TBC1D8: variants seen among roughly 807,000 people sequenced by gnomAD.
TBC1D8 encodes the protein BUB2-like protein 1.
Under a neutral mutation model 118.8 loss-of-function variants are expected in TBC1D8, and 65 were observed. The observed-to-expected ratio is 0.55, with a 90% CI of 0.45 to 0.67. The LOEUF (loss-of-function observed/expected upper bound fraction) is 0.67. TBC1D8 is among the 30% of genes least tolerant of loss of function. The pLI, the probability that TBC1D8 is intolerant of heterozygous loss-of-function variation, is 0.00. For missense variants in TBC1D8, 1,376 were observed against 1,471.2 expected, an observed-to-expected ratio of 0.94 and a Z score of 1.06; for synonymous variants, 566 against 595.8, an observed-to-expected ratio of 0.95 and a Z score of 0.73.
chr2:101,057,457 C>T (rs1466458019), intron 3 of TBC1D8, among the ~76,000 whole-genome samples: 1 of 152,244 alleles, frequency 6.6e-6, no homozygotes, highest in East Asian at 1.9e-4. Flanking sequence ...GCTATGTAAG[C>T]CCAAGTGCTA....
intron 1 of TBC1D8, among the ~76,000 whole-genome samples, chr2:101,101,636 T>G (rs557641620): frequency 5.9e-5 from 9 of 152,036 alleles, no homozygotes; most frequent in African/African-American, 9.7e-5. Context: ...AGCAAAGACA[T>G]GGAAACAACC....
At chr2:101,045,010 G>A (rs752342099) in intron 5 of TBC1D8, among the ~76,000 whole-genome samples, 4 of 152,156 alleles carry the variant, frequency 2.6e-5, no homozygotes, top group Non-Finnish European at 5.9e-5. Context: ...GCCTCCCAAA[G>A]TGCTGGGATT....
chr2:101,047,981 G>A (rs745477680), intron 5 of TBC1D8, among the ~76,000 whole-genome samples: 5 of 152,184 alleles, frequency 3.3e-5, no homozygotes, highest in South Asian at 4.1e-4. Flanking sequence ...GAGCTGTGCC[G>A]GGATATCAGT....
Position 101,126,822 on chromosome 2 carries a change from C to T in TBC1D8, c.127+24305G>A, listed in dbSNP as rs187031553. The stretch of plus-strand genomic sequence containing the variant: ...GACAGACAAGGTCAATTGTAGAAAA[C>T]GGCCAAGTCTTGAAGTGAGTGGAGC... On this transcript the variant is annotated intron_variant, in intron 1 of 19. Coordinates refer to ENST00000409318, the MANE Select transcript of TBC1D8 (RefSeq NM_001330348.2). 9.7e-4 allele frequency among the ~76,000 whole-genome samples: 147 copies of T among 152,230 alleles called. 2 individuals carry two copies. Among genetic ancestry groups the T allele is most frequent in the Middle Eastern group, 3.4e-3 (1 of 294 alleles).
In TBC1D8 at chr2:101,032,288, T is replaced by C. The variant is rs563932550; in HGVS notation, c.1916A>G (p.Tyr639Cys). The change falls in exon 11 of 20, where the codon TAC (tyrosine) becomes TGC (cysteine). Residue 639 changes from tyrosine to cysteine, a missense_variant. Tyr to Cys is a radical substitution (Grantham distance 194, BLOSUM62 -2). Transcript: ENST00000409318. ...TTTACCGATCACTCGGTGGTTGAAG[T>C]AATCGGGCAGCATCCGCTCACACAC... is the stretch of plus-strand genomic sequence containing the variant. ...VAVCERMLPD[Y>C]FNHRVIGAQV... 1.9e-6 allele frequency: 3 copies of C among 1,613,754 alleles called. No individual in the cohort carries two copies. The South Asian group carries it at 3.3e-5, about 18-fold the overall frequency.
At chr2:101,050,363 C>A in intron 5 of TBC1D8, 38 bp downstream of exon 5, 1 of 1,593,516 alleles carries the variant, frequency 6.3e-7, no homozygotes, top group South Asian at 1.1e-5. Flanking sequence ...ATGGGTCCCC[C>A]GTGCGGGTGG....
intron 17 of TBC1D8, among the ~76,000 whole-genome samples, chr2:101,013,800 A>G (rs1269050760): frequency 6.6e-6 from 1 of 152,240 alleles, no homozygotes; most frequent in Non-Finnish European, 1.5e-5. Context: ...TTTGAACACA[A>G]TCTGGCCTTC....
intron 8 of TBC1D8, among the ~76,000 whole-genome samples, chr2:101,037,269 A>AC (rs1426075116): frequency 6.6e-6 from 1 of 151,888 alleles, no homozygotes; most frequent in Non-Finnish European, 1.5e-5. Flanking sequence ...GTGCCTGGAG[A>AC]CCCCCAAGGG....
At chr2:101,058,396 A>C (rs1682562756) in intron 3 of TBC1D8, among the ~76,000 whole-genome samples, 1 of 152,218 alleles carries the variant, frequency 6.6e-6, no homozygotes, top group Admixed American at 6.5e-5. Flanking sequence ...TGCAGAAAAC[A>C]AACAAAATCG....
At chr2:101,093,677 T>C (rs1676198075) in intron 1 of TBC1D8, among the ~76,000 whole-genome samples, 1 of 149,960 alleles carries the variant, frequency 6.7e-6, no homozygotes, top group Non-Finnish European at 1.5e-5. Context: ...ATCACACCAC[T>C]GCACTTCAGC....
chr2:101,106,096 T>C (rs1046150076), intron 1 of TBC1D8, among the ~76,000 whole-genome samples: 1 of 151,978 alleles, frequency 6.6e-6, no homozygotes, highest in African/African-American at 2.4e-5. Context: ...TAAAAGCATA[T>C]TGCTAAGGAA....
intron 17 of TBC1D8, among the ~76,000 whole-genome samples, chr2:101,014,829 T>A (rs141849092): frequency 6.6e-6 from 1 of 152,210 alleles, no homozygotes; most frequent in Non-Finnish European, 1.5e-5. Context: ...TGGGTATAAC[T>A]TGAGTGCCAA....
At position 101,024,402 on chromosome 2, in the gene TBC1D8, A is replaced by AAT. The variant is rs368870476; in HGVS notation, c.2521-1882_2521-1881insAT. 3.3e-5 allele frequency among the ~76,000 whole-genome samples: 4 copies of AAT among 121,160 alleles called. No individual in the cohort carries two copies. The Admixed American group carries it at 3.7e-4, about 11-fold the overall frequency. 79.5% of individuals were successfully genotyped at this position (121,160 alleles called of 152,430 possible). A position where few individuals can be genotyped will look rare whatever the true frequency, so the allele number is the denominator to read the frequency against. On this transcript the variant is annotated intron_variant, in intron 15 of 19. Coordinates refer to ENST00000409318, the MANE Select transcript of TBC1D8 (RefSeq NM_001330348.2). Reference sequence around the variant, plus strand: ...CTTAGACACCATCAGTGGGACTGTAATTTTTTTTTTTTTTTTTTTTTGAGA... The same window carrying AAT: ...CTTAGACACCATCAGTGGGACTGTAAATTTTTTTTTTTTTTTTTTTTTTGAGA...
chr2:101,022,791 T>C (rs566141185), intron 15 of TBC1D8, among the ~76,000 whole-genome samples: 1 of 152,344 alleles, frequency 6.6e-6, no homozygotes, highest in East Asian at 1.9e-4. Context: ...ACAGTTCAGC[T>C]AACATAGTTT....
At position 101,040,343 on chromosome 2, in the gene TBC1D8, G is replaced by A; in HGVS notation, c.915C>T (p.Phe305=). Residue 305 remains phenylalanine, a synonymous_variant, in exon 6 of 20, where the codon TTC becomes TTT. Transcript: ENST00000409318. ...GCTTCTCCTTCCTCGGCAACCTGAA[G>A]AAAGCCCGGAAGAACTCATTCTGTG... is the stretch of plus-strand genomic sequence containing the variant. ...ARAQNEFFRA[F]FRLPRKEKLH... The A allele has an allele frequency of 6.2e-7, 1 of 1,611,574 alleles. No individual in the cohort carries two copies. The highest frequency in any genetic ancestry group is 8.5e-7 in the Non-Finnish European group (1 of 1,178,668).
At chr2:101,149,778 C>A (rs991916368) in intron 1 of TBC1D8, among the ~76,000 whole-genome samples, 6 of 152,220 alleles carry the variant, frequency 3.9e-5, no homozygotes, top group Admixed American at 2.6e-4. Flanking sequence ...CGGGGCCCAA[C>A]AAGGCCACTG....
Position 101,036,336 on chromosome 2 carries a change from G to A in TBC1D8, c.1453-168C>T, listed in dbSNP as rs533484845. Among the ~76,000 whole-genome samples the A allele has an allele frequency of 7.2e-5, 11 of 152,272 alleles. 1 individual carries two copies. Among genetic ancestry groups the A allele is most frequent in the East Asian group, 1.9e-4 (1 of 5,178 alleles). Reference sequence around the variant, plus strand: ...CCGCAAATATTTCTGAACCTTTACTGGGGGCACAGAGGATGCAAAGATGAA... The same window carrying A: ...CCGCAAATATTTCTGAACCTTTACTAGGGGCACAGAGGATGCAAAGATGAA... On this transcript the variant is annotated intron_variant, in intron 8 of 19. Coordinates refer to ENST00000409318, the MANE Select transcript of TBC1D8 (RefSeq NM_001330348.2).
At chr2:101,117,052 A>G (rs1677851800) in intron 1 of TBC1D8, among the ~76,000 whole-genome samples, 1 of 152,150 alleles carries the variant, frequency 6.6e-6, no homozygotes, top group Non-Finnish European at 1.5e-5. Flanking sequence ...ACACAGACAC[A>G]CAGGGAGAGC....
chr2:101,072,589 C>T (rs1674522986), intron 2 of TBC1D8, among the ~76,000 whole-genome samples: 1 of 152,100 alleles, frequency 6.6e-6, no homozygotes, highest in African/African-American at 2.4e-5. Context: ...GAAACTGTTC[C>T]ACCTCGGATC....
Sources: allele counts gnomAD v4.1 joint callset (sites outside exome capture counted in the v4.1 genomes callset), GRCh38; gene constraint gnomAD v4.1.1; transcripts MANE v1.5; gene names NCBI Gene and HGNC (gene_info 2026-07-23, HGNC 2026-07-21).